PCDH9: variants seen among roughly 807,000 people sequenced by gnomAD.
PCDH9 encodes protocadherin-9.
PCDH9 carries 24 observed loss-of-function variants against 70.6 expected under a neutral mutation model. The ratio of observed to expected loss-of-function variants is 0.34; its 90% CI spans 0.25 to 0.48. The LOEUF (loss-of-function observed/expected upper bound fraction) is 0.48, where lower values mean the gene tolerates loss of function less well. Among genes scored for constraint, PCDH9 ranks in the 20% least tolerant of loss-of-function variants. The pLI is 0.99. For synonymous variants in PCDH9, 562 were observed against 558.5 expected, an observed-to-expected ratio of 1.01 and a Z score of -0.09; for missense variants, 1,281 against 1,503.6, an observed-to-expected ratio of 0.85 and a Z score of 2.45.
chr13:66,339,346 TCTC>T (rs1956088263), intron 4 of PCDH9, among the ~76,000 whole-genome samples: 1 of 152,162 alleles, frequency 6.6e-6, no homozygotes, highest in African/African-American at 2.4e-5. Flanking sequence ...CCCTTTCTCT[TCTC>T]AGCATAATTT....
intron 3 of PCDH9, among the ~76,000 whole-genome samples, chr13:66,637,535 A>C (rs1350542013): frequency 6.6e-6 from 1 of 152,170 alleles, no homozygotes; most frequent in African/African-American, 2.4e-5. Flanking sequence ...TTAATTTTCT[A>C]TGCTGTTTAT....
intron 4 of PCDH9, among the ~76,000 whole-genome samples, chr13:66,344,420 C>T (rs148177925): frequency 7.3e-4 from 111 of 152,264 alleles, no homozygotes; most frequent in Middle Eastern, 3.4e-3. Context: ...GCTACCATGC[C>T]CGGCCAATAA....
chr13:66,786,858 A>G (rs2080088063), intron 3 of PCDH9, among the ~76,000 whole-genome samples: 1 of 152,214 alleles, frequency 6.6e-6, no homozygotes, highest in Non-Finnish European at 1.5e-5. Flanking sequence ...GGAGATAAAA[A>G]AATTCTCATC....
At chr13:66,936,738 A>C (rs1419391388) in intron 2 of PCDH9, among the ~76,000 whole-genome samples, 1 of 152,212 alleles carries the variant, frequency 6.6e-6, no homozygotes, top group Non-Finnish European at 1.5e-5. Context: ...AAGACACATA[A>C]GTTTGAATTG....
At chr13:66,520,858 G>A (rs779330880) in intron 4 of PCDH9, among the ~76,000 whole-genome samples, 2 of 152,138 alleles carry the variant, frequency 1.3e-5, no homozygotes, top group Non-Finnish European at 2.9e-5. Context: ...CAGGACAGAG[G>A]AGAATGAAAT....
At chr13:66,656,126 A>C (rs1490225080) in intron 3 of PCDH9, among the ~76,000 whole-genome samples, 4 of 152,162 alleles carry the variant, frequency 2.6e-5, no homozygotes, top group Non-Finnish European at 4.4e-5. Flanking sequence ...TTAAAAGGAA[A>C]AGCAAAAAAA....
At chr13:66,406,817 A>G (rs1034877575) in intron 4 of PCDH9, among the ~76,000 whole-genome samples, 3 of 152,232 alleles carry the variant, frequency 2.0e-5, no homozygotes, top group South Asian at 4.1e-4. Context: ...ATGCATATAT[A>G]TATTAAATTA....
At chr13:67,157,594 C>T (rs2087847828) in intron 2 of PCDH9, among the ~76,000 whole-genome samples, 1 of 152,020 alleles carries the variant, frequency 6.6e-6, no homozygotes, top group South Asian at 2.1e-4. Context: ...TCATGCAAAA[C>T]TAAATGTCTG....
intron 2 of PCDH9, among the ~76,000 whole-genome samples, chr13:67,114,327 A>C (rs567485286): frequency 6.6e-6 from 1 of 152,196 alleles, no homozygotes; most frequent in Non-Finnish European, 1.5e-5. Flanking sequence ...AAGAATAAGA[A>C]TCTTTTAATC....
At chr13:66,924,543 C>G (rs182706387) in intron 2 of PCDH9, among the ~76,000 whole-genome samples, 1 of 151,600 alleles carries the variant, frequency 6.6e-6, no homozygotes, top group Admixed American at 6.6e-5. Context: ...ATACTAGAGA[C>G]GTTCTTCATG....
intron 3 of PCDH9, among the ~76,000 whole-genome samples, chr13:66,646,633 A>G (rs532646475): frequency 9.8e-5 from 15 of 152,314 alleles, no homozygotes; most frequent in African/African-American, 3.6e-4. Context: ...CTGAAAAGAG[A>G]GATGGAGCAA....
intron 2 of PCDH9, among the ~76,000 whole-genome samples, chr13:67,157,106 A>T (rs1594589096): frequency 1.3e-5 from 2 of 152,280 alleles, no homozygotes; most frequent in South Asian, 4.1e-4. Flanking sequence ...TGTATCCCTG[A>T]TGCTTCGATC....
At chr13:66,652,311 T>C (rs2138993681) in intron 3 of PCDH9, among the ~76,000 whole-genome samples, 1 of 151,912 alleles carries the variant, frequency 6.6e-6, no homozygotes, top group African/African-American at 2.4e-5. Context: ...TATATAGAAA[T>C]CAGTAGCATT....
chr13:66,514,675 G>T (rs2138592754), intron 4 of PCDH9, among the ~76,000 whole-genome samples: 1 of 152,130 alleles, frequency 6.6e-6, no homozygotes, highest in South Asian at 2.1e-4. Flanking sequence ...CTTTAGCAAA[G>T]CTCCCATTGT....
chr13:67,142,844 C>CAA (rs34886805), intron 2 of PCDH9, among the ~76,000 whole-genome samples: 1,966 of 134,260 alleles, frequency 0.015, 32 homozygotes, highest in South Asian at 0.035. Context: ...ACTAAAAATA[C>CAA]AAAAAAAAAA....
intron 3 of PCDH9, among the ~76,000 whole-genome samples, chr13:66,698,984 G>A (rs2078600671): frequency 6.9e-6 from 1 of 145,696 alleles, no homozygotes; most frequent in Non-Finnish European, 1.5e-5. Flanking sequence ...GTGCAATCTC[G>A]GCTCACTGCA....
At chr13:67,038,801 T>C (rs929832222) in intron 2 of PCDH9, among the ~76,000 whole-genome samples, 1 of 152,172 alleles carries the variant, frequency 6.6e-6, no homozygotes, top group Non-Finnish European at 1.5e-5. Flanking sequence ...TGTTATAGTA[T>C]TGGGTCTTTG....
chr13:66,881,008 G>A (rs1345203381), intron 3 of PCDH9, among the ~76,000 whole-genome samples: 1 of 152,144 alleles, frequency 6.6e-6, no homozygotes, highest in Non-Finnish European at 1.5e-5. Context: ...AATGAAAGGT[G>A]TTAATACATT....
At chr13:66,868,509 C>T (rs1049955914) in intron 3 of PCDH9, among the ~76,000 whole-genome samples, 3 of 151,194 alleles carry the variant, frequency 2.0e-5, no homozygotes, top group African/African-American at 7.4e-5. Context: ...GGAACATCAA[C>T]CATGTGCAAA....
Sources: gnomAD v4.1 joint callset for allele counts (sites outside exome capture counted in the v4.1 genomes callset) on GRCh38, gnomAD v4.1.1 for gene constraint, MANE v1.5 for transcripts, NCBI Gene and HGNC (gene_info 2026-07-23, HGNC 2026-07-21) for gene names.